ZNF75A: variants seen among roughly 807,000 people sequenced by gnomAD.
The protein encoded by ZNF75A is zinc finger protein 75A.
A neutral mutation model predicts 46.3 loss-of-function variants in ZNF75A; 36 were observed. The observed-to-expected ratio is 0.78, with a 90% CI of 0.60 to 1.03. The LOEUF (loss-of-function observed/expected upper bound fraction) is 1.03. ZNF75A is among the 50% of genes least tolerant of loss of function. The probability of loss-of-function intolerance (pLI) is 0.00; values close to 1 mark genes in which losing one functional copy is unlikely to be tolerated. For synonymous variants in ZNF75A, 234 were observed against 189.9 expected (o/e 1.23, Z -1.91); for missense variants, 595 against 551.3 (o/e 1.08, Z -0.79).
chr16:3,322,063 C>T (rs1310678840), downstream of ZNF75A, among the ~76,000 whole-genome samples: 1 of 152,050 alleles, frequency 6.6e-6, no homozygotes, highest in African/African-American at 2.4e-5. Flanking sequence ...TGAAGGCTGC[C>T]CTGTTACTCT....
At chr16:3,319,831 A>G (rs558284290), downstream of ZNF75A, among the ~76,000 whole-genome samples, 48 of 148,690 alleles carry the variant, frequency 3.2e-4, no homozygotes, top group East Asian at 7.3e-3. Flanking sequence ...GTACAAGGCC[A>G]GTGCTCTCCT....
At chr16:3,320,793 G>A (rs1359304005), downstream of ZNF75A, among the ~76,000 whole-genome samples, 1 of 152,236 alleles carries the variant, frequency 6.6e-6, no homozygotes. Context: ...TGTATCTTCA[G>A]TGAGTTGTGC....
At chr16:3,318,983 C>A, downstream of ZNF75A, 2 of 361,816 alleles carry the variant, frequency 5.5e-6, no homozygotes, top group Non-Finnish European at 7.7e-6. Context: ...GATGGATTGC[C>A]AAAAGTCTGT....
chr16:3,315,306 G>A (rs752604381), intron 5 of ZNF75A, among the ~76,000 whole-genome samples: 33 of 150,360 alleles, frequency 2.2e-4, no homozygotes, highest in South Asian at 4.2e-4. Context: ...ATTCTCCTGC[G>A]TCAGCCTCCC....
At chr16:3,322,866 A>C, downstream of ZNF75A, 2 of 983,806 alleles carry the variant, frequency 2.0e-6, no homozygotes, top group Non-Finnish European at 2.4e-6. Flanking sequence ...AGTCTTAGGA[A>C]GCCTTGTACA....
intron 2 of ZNF75A, chr16:3,310,710 T>G: frequency 1.0e-6 from 1 of 985,454 alleles, no homozygotes; most frequent in Non-Finnish European, 1.2e-6. Flanking sequence ...AACAAAGATT[T>G]GGAAAAAAGA....
At chr16:3,313,513 A>T (rs574585374) in intron 5 of ZNF75A, among the ~76,000 whole-genome samples, 1 of 152,178 alleles carries the variant, frequency 6.6e-6, no homozygotes. Context: ...TCTTGTCATC[A>T]TACCCCACTG....
chr16:3,308,956 T>TA, intron 2 of ZNF75A, 120 bp downstream of exon 2: 1 of 546,774 alleles, frequency 1.8e-6, no homozygotes, highest in Non-Finnish European at 2.3e-6. Flanking sequence ...GTTTTTTTTT[T>TA]AAGGACAGTT....
rs1415248669 is a variant in ZNF75A, at chr16:3,318,726, G to T, written c.*857G>T. The T allele has an allele frequency of 1.9e-5, 19 of 985,306 alleles. No individual in the cohort carries two copies. The highest frequency in any genetic ancestry group is 1.1e-4 in the East Asian group (1 of 8,830). 61.0% of individuals were successfully genotyped at this position (985,306 alleles called of 1,614,324 possible). ...CTTTTCTTTGTTGTTAAGAATGAGA[G>T]ACTTAATTTCCATGGGAGTTGGAGT... On this transcript the variant is annotated 3_prime_UTR_variant, in exon 7 of 7. Transcript: ENST00000669516.
downstream of ZNF75A, chr16:3,323,384 C>T (rs554593407): frequency 1.2e-5 from 11 of 888,684 alleles, no homozygotes; most frequent in African/African-American, 1.3e-4. Flanking sequence ...GCAAATGACA[C>T]CAAACTTCCC....
intron 3 of ZNF75A, 200 bp from the exon 4 acceptor site, chr16:3,312,477 A>C (rs1432052130): frequency 6.5e-6 from 1 of 152,782 alleles, no homozygotes; most frequent in African/African-American, 2.4e-5. Context: ...AAAACTGAGG[A>C]AACATTTAGT....
downstream of ZNF75A, chr16:3,323,264 T>A (rs1238318617): frequency 2.5e-5 from 20 of 814,682 alleles, no homozygotes; most frequent in Non-Finnish European, 3.8e-5. Flanking sequence ...GGAAGCCCAC[T>A]GTATTTTTGG....
Position 3,317,784 on chromosome 16 carries a change from G to T in ZNF75A, c.1529G>T (p.Gly510Val), listed in dbSNP as rs760757248. 1.9e-6 allele frequency: 3 copies of T among 1,614,060 alleles called. No individual in the cohort carries two copies. In the African/African-American group the frequency reaches 4.0e-5, roughly 22 times the overall value. ...HLIKHRRTHT[G>V]EQPYTCSICR... ...ATTAAACACCGGAGAACCCACACAG[G>T]TGAGCAGCCATATACTTGTAGCATA... The change falls in exon 7 of 7, where the codon GGT becomes GTT. Residue 510 changes from glycine (G) to valine (V), a missense_variant. Transcript: ENST00000669516.
downstream of ZNF75A, among the ~76,000 whole-genome samples, chr16:3,321,904 G>A (rs2029958511): frequency 6.6e-6 from 1 of 152,186 alleles, no homozygotes; most frequent in Non-Finnish European, 1.5e-5. Flanking sequence ...GTAAGTTTGA[G>A]GAAGAACGCC....
At position 3,311,945 on chromosome 16, in the gene ZNF75A, A is replaced by G; in HGVS notation, c.601A>G (p.Arg201Gly). 1.0e-6 allele frequency: 1 copy of G among 985,902 alleles called. No individual in the cohort carries two copies. Among genetic ancestry groups the G allele is most frequent in the Non-Finnish European group, 1.2e-6 (1 of 829,776 alleles). 61.1% of individuals were successfully genotyped at this position (985,902 alleles called of 1,614,324 possible). The change falls in exon 3 of 7, where the codon AGG becomes GGG. Residue 201 changes from arginine (R) to glycine (G), a missense_variant. Arg to Gly is a moderately radical substitution (Grantham distance 125). Transcript: ENST00000669516. ...THKETEPVYE[R>G]AVPTQQILAF... ...TAAAGAGACTGAGCCTGTGTATGAG[A>G]GGGGTAAGGAGCTTCATGATAATTT...
chr16:3,310,714 A>G (rs1052572179), intron 2 of ZNF75A: 89 of 985,538 alleles, frequency 9.0e-5, no homozygotes, highest in Non-Finnish European at 1.0e-4. Context: ...AAGATTTGGA[A>G]AAAAGAAAAA....
chr16:3,317,322 A>G lies in ZNF75A; in HGVS notation c.1067A>G (p.Asn356Ser). Reference sequence around the variant, plus strand: ...CCCCAGAAAACAGCAGGCAAAGAAAATCATTTTGATATGCACAGAGTGGGA... The same window carrying G: ...CCCCAGAAAACAGCAGGCAAAGAAAGTCATTTTGATATGCACAGAGTGGGA... ...KVPQKTAGKENHFDMHRVGKW... is the reference protein window; with the variant it reads ...KVPQKTAGKESHFDMHRVGKW... Residue 356 changes from asparagine to serine, a missense_variant, in exon 7 of 7, where the codon AAT (asparagine) becomes AGT (serine). Coordinates refer to ENST00000669516, the MANE Select transcript of ZNF75A (RefSeq NM_001302109.2). 2 of 1,614,158 alleles carry G rather than the reference A, an allele frequency of 1.2e-6. No homozygotes were observed. Among genetic ancestry groups the G allele is most frequent in the South Asian group, 2.2e-5 (2 of 91,088 alleles).
chr16:3,312,656 C>G, intron 3 of ZNF75A, 21 bp from the exon 4 acceptor site: 2 of 976,076 alleles, frequency 2.0e-6, no homozygotes, highest in Non-Finnish European at 2.5e-6. Flanking sequence ...GAGATTTCTT[C>G]TGGCTCTTTT....
rs1411619095 is a variant in ZNF75A at position 3,317,665 on chromosome 16, T to G, written c.1410T>G (p.Asn470Lys). 2 of 1,613,926 alleles carry G rather than the reference T, an allele frequency of 1.2e-6. No homozygotes were observed. Among genetic ancestry groups the G allele is most frequent in the Non-Finnish European group, 1.7e-6 (2 of 1,179,998 alleles). ...CSWCGKSFSQ[N>K]TNLHTHQRTH... ...GGTGTGGGAAAAGCTTCAGTCAAAATACAAATTTACATACACACCAAAGAA... is the reference window on the plus strand; with the variant it reads ...GGTGTGGGAAAAGCTTCAGTCAAAAGACAAATTTACATACACACCAAAGAA... The change falls in exon 7 of 7, where the codon AAT becomes AAG. Residue 470 changes from asparagine to lysine, a missense_variant. Coordinates refer to ENST00000669516, the MANE Select transcript of ZNF75A (RefSeq NM_001302109.2).
Sources: gnomAD v4.1 joint callset for allele counts (sites outside exome capture counted in the v4.1 genomes callset) on GRCh38, gnomAD v4.1.1 for gene constraint, MANE v1.5 for transcripts, NCBI Gene and HGNC (gene_info 2026-07-23, HGNC 2026-07-21) for gene names.